The following CDON variants were observed in gnomAD, a reference collection of about 807,000 sequenced individuals.
CDON encodes cell adhesion associated, oncogene regulated.
Under a neutral mutation model 120.9 loss-of-function variants are expected in CDON, and 73 were observed. The ratio of observed to expected loss-of-function variants is 0.60; its 90% CI spans 0.50 to 0.73. CDON has a LOEUF of 0.73. CDON is among the 30% of genes least tolerant of loss of function. The pLI is 0.00. For synonymous variants in CDON, 566 were observed against 573.5 expected, an observed-to-expected ratio of 0.99 and a Z score of 0.19; for missense variants, 1,470 against 1,587.3, an observed-to-expected ratio of 0.93 and a Z score of 1.26.
chr11:126,037,273 G>C (rs1290548555), intron 1 of CDON, among the ~76,000 whole-genome samples: 1 of 151,852 alleles, frequency 6.6e-6, no homozygotes, highest in Non-Finnish European at 1.5e-5. Context: ...GCTAATTTTT[G>C]TATTTTTAGT....
At chr11:126,016,001 T>G (rs1451107518) in intron 6 of CDON, among the ~76,000 whole-genome samples, 3 of 152,216 alleles carry the variant, frequency 2.0e-5, no homozygotes, top group Admixed American at 6.5e-5. Flanking sequence ...ATCCTTAAAG[T>G]CACTTATTAC....
chr11:126,059,061 A>G (rs908032132), intron 1 of CDON, among the ~76,000 whole-genome samples: 4 of 152,228 alleles, frequency 2.6e-5, no homozygotes, highest in Non-Finnish European at 4.4e-5. Context: ...GTAAACTAAA[A>G]TATGCCTATT....
At chr11:125,990,848 CTTGT>C (rs111319744) in intron 14 of CDON, among the ~76,000 whole-genome samples, 2,283 of 152,188 alleles carry the variant, frequency 0.015, 64 homozygotes, top group African/African-American at 0.053. Context: ...AGAAAATCTG[CTTGT>C]TTTAGGATCG....
At chr11:125,971,165 C>T (rs1003008885) in intron 18 of CDON, among the ~76,000 whole-genome samples, 4 of 152,090 alleles carry the variant, frequency 2.6e-5, no homozygotes, top group Admixed American at 1.3e-4. Context: ...GGGCGGATCA[C>T]GAGGTCAGGA....
chr11:126,043,826 T>C (rs1948330825), intron 1 of CDON, among the ~76,000 whole-genome samples: 1 of 152,116 alleles, frequency 6.6e-6, no homozygotes, highest in Non-Finnish European at 1.5e-5. Context: ...TTTAGTTCTA[T>C]TCTAATCTGC....
intron 1 of CDON, among the ~76,000 whole-genome samples, chr11:126,025,202 AT>A (rs1425254934): frequency 6.6e-6 from 1 of 152,182 alleles, no homozygotes; most frequent in African/African-American, 2.4e-5. Context: ...CAGACTCCAT[AT>A]CAAAAAAATA....
At chr11:126,026,573 T>C (rs759357194) in intron 1 of CDON, among the ~76,000 whole-genome samples, 3 of 152,224 alleles carry the variant, frequency 2.0e-5, no homozygotes, top group Admixed American at 6.5e-5. Context: ...ACCTTCTCTA[T>C]GCCAAGTACT....
intron 16 of CDON, among the ~76,000 whole-genome samples, chr11:125,983,304 T>G (rs1946367883): frequency 6.6e-6 from 1 of 152,178 alleles, no homozygotes; most frequent in African/African-American, 2.4e-5. Flanking sequence ...TCACTGTTAT[T>G]TCAAAGCAGG....
intron 18 of CDON, among the ~76,000 whole-genome samples, chr11:125,967,673 T>C (rs1000520437): frequency 6.6e-6 from 1 of 152,170 alleles, no homozygotes; most frequent in African/African-American, 2.4e-5. Flanking sequence ...TCTTTATGGG[T>C]CTCACTCTGT....
At chr11:126,063,048 G>A (rs2134992838), upstream of CDON, among the ~76,000 whole-genome samples, 1 of 151,888 alleles carries the variant, frequency 6.6e-6, no homozygotes, top group East Asian at 2.0e-4. Flanking sequence ...GAGTGTGCGC[G>A]CGCAGCCTGC....
At chr11:125,981,410 A>ACG in intron 16 of CDON, 81 bp from the exon 17 acceptor site, 1 of 1,415,806 alleles carries the variant, frequency 7.1e-7, no homozygotes, top group Non-Finnish European at 9.8e-7. Context: ...ACGCATGCAC[A>ACG]CATGCACATA....
intron 14 of CDON, among the ~76,000 whole-genome samples, chr11:125,991,211 A>C (rs11220305): frequency 0.26 from 39,346 of 152,144 alleles, 5,183 homozygotes; most frequent in South Asian, 0.32. Flanking sequence ...CCATTGTTAT[A>C]GTTATTCTTC....
intron 1 of CDON, among the ~76,000 whole-genome samples, chr11:126,040,627 A>C (rs918532139): frequency 6.6e-6 from 1 of 151,062 alleles, no homozygotes; most frequent in Non-Finnish European, 1.5e-5. Context: ...CATCCTGGCT[A>C]ACACGGTGAA....
intron 1 of CDON, among the ~76,000 whole-genome samples, chr11:126,058,464 A>G (rs1405457079): frequency 6.6e-6 from 1 of 152,248 alleles, no homozygotes; most frequent in African/African-American, 2.4e-5. Context: ...TAAGGTGGAA[A>G]AAAGCTAAAC....
Position 126,019,774 on chromosome 11 carries a change from T to C in CDON, c.350-9A>G, listed in dbSNP as rs367564964. On this transcript the variant is annotated splice_polypyrimidine_tract_variant and intron_variant, in intron 3 of 19. Coordinates refer to ENST00000531738, the MANE Select transcript of CDON (RefSeq NM_001378964.1). The stretch of plus-strand genomic sequence containing the variant: ...ACCAAAATCACCAAGAACTGAAATA[T>C]ATAAGGAAACAGATAAATAAATACA... 1.9e-6 allele frequency: 3 copies of C among 1,607,286 alleles called. No homozygotes were observed. Among genetic ancestry groups the C allele is most frequent in the Non-Finnish European group, 2.6e-6 (3 of 1,174,516 alleles).
intron 14 of CDON, among the ~76,000 whole-genome samples, chr11:125,993,072 T>C (rs1166730633): frequency 1.3e-5 from 2 of 152,198 alleles, no homozygotes; most frequent in African/African-American, 2.4e-5. Context: ...TTACGCTGCT[T>C]TCTTGCAACT....
At chr11:125,976,138 C>T (rs1342630774) in intron 18 of CDON, among the ~76,000 whole-genome samples, 1 of 152,178 alleles carries the variant, frequency 6.6e-6, no homozygotes, top group Non-Finnish European at 1.5e-5. Flanking sequence ...CAGCTTTTTA[C>T]AAATTTTGTC....
At chr11:126,025,811 AACAG>A (rs1182473619) in intron 1 of CDON, among the ~76,000 whole-genome samples, 1 of 152,224 alleles carries the variant, frequency 6.6e-6, no homozygotes, top group Non-Finnish European at 1.5e-5. Context: ...AAAAATAAGT[AACAG>A]ACAAAAAATG....
At chr11:125,970,189 T>A (rs1027339450) in intron 18 of CDON, among the ~76,000 whole-genome samples, 14 of 150,102 alleles carry the variant, frequency 9.3e-5, no homozygotes, top group Non-Finnish European at 1.9e-4. Context: ...TTTTTTTTTT[T>A]TTTTGAGACA....
Sources: gnomAD v4.1 joint callset for allele counts (sites outside exome capture counted in the v4.1 genomes callset) on GRCh38, gnomAD v4.1.1 for gene constraint, MANE v1.5 for transcripts, NCBI Gene and HGNC (gene_info 2026-07-23, HGNC 2026-07-21) for gene names.